ARHGAP21: variants seen among roughly 807,000 people sequenced by gnomAD.
The protein encoded by ARHGAP21 is rho GTPase-activating protein 21.
ARHGAP21 carries 38 observed loss-of-function variants against 164.6 expected under a neutral mutation model. The ratio of observed to expected loss-of-function variants is 0.23; its 90% CI spans 0.18 to 0.30. ARHGAP21 has a LOEUF of 0.30. ARHGAP21 is among the 10% of genes least tolerant of loss of function. The pLI is 1.00. For synonymous variants in ARHGAP21, 766 were observed against 857.9 expected, an observed-to-expected ratio of 0.89 and a Z score of 1.87; for missense variants, 1,822 against 2,370.7, an observed-to-expected ratio of 0.77 and a Z score of 4.81.
chr10:24,656,415 A>C (rs1838941295), intron 4 of ARHGAP21, among the ~76,000 whole-genome samples: 1 of 87,256 alleles, frequency 1.1e-5, no homozygotes, highest in African/African-American at 5.1e-5. Flanking sequence ...CCGCCCGGCC[A>C]GCCGCCCCGT....
At chr10:24,587,407 C>A (rs2076150961) in intron 25 of ARHGAP21, among the ~76,000 whole-genome samples, 3 of 152,116 alleles carry the variant, frequency 2.0e-5, no homozygotes, top group Admixed American at 2.0e-4. Context: ...CAGTATATTT[C>A]TCTATTGCCT....
chr10:24,718,926 G>T (rs571481680), intron 2 of ARHGAP21, among the ~76,000 whole-genome samples: 2 of 152,222 alleles, frequency 1.3e-5, no homozygotes, highest in East Asian at 3.9e-4. Flanking sequence ...TAAGAAAGCT[G>T]AGGGAAAGTT....
At chr10:24,712,548 G>A (rs1217500889) in intron 2 of ARHGAP21, among the ~76,000 whole-genome samples, 1 of 152,008 alleles carries the variant, frequency 6.6e-6, no homozygotes, top group Admixed American at 6.6e-5. Flanking sequence ...CCACATAAAC[G>A]GTTGTTATAC....
At chr10:24,588,513 G>T (rs995249617) in intron 25 of ARHGAP21, among the ~76,000 whole-genome samples, 5 of 151,850 alleles carry the variant, frequency 3.3e-5, no homozygotes, top group African/African-American at 1.2e-4. Flanking sequence ...ATTTTTGTAA[G>T]AATTATAATT....
intron 14 of ARHGAP21, among the ~76,000 whole-genome samples, chr10:24,600,335 C>T (rs929319682): frequency 1.4e-4 from 22 of 152,032 alleles, no homozygotes; most frequent in African/African-American, 5.3e-4. Flanking sequence ...ACAATCCTGT[C>T]TTTGAAAGAT....
intron 4 of ARHGAP21, among the ~76,000 whole-genome samples, chr10:24,659,120 C>T (rs1032162988): frequency 3.9e-5 from 6 of 152,134 alleles, no homozygotes; most frequent in Admixed American, 6.5e-5. Flanking sequence ...CTGTGGAAAA[C>T]GGTTTGGCAG....
At chr10:24,631,195 C>G (rs559540334) in intron 6 of ARHGAP21, among the ~76,000 whole-genome samples, 2 of 152,180 alleles carry the variant, frequency 1.3e-5, no homozygotes, top group South Asian at 4.1e-4. Context: ...GAAAACTCGT[C>G]TCCACTAAAA....
chr10:24,630,228 T>A (rs1255535521), intron 6 of ARHGAP21, among the ~76,000 whole-genome samples, 178 bp from the exon 7 acceptor site: 1 of 152,204 alleles, frequency 6.6e-6, no homozygotes, highest in Non-Finnish European at 1.5e-5. Context: ...TTTGTATACG[T>A]AAGTTAACTA....
At chr10:24,595,695 T>TCTTTCACGGGAGTTAACTCA in intron 19 of ARHGAP21, 22 bp downstream of exon 19, 1 of 1,593,460 alleles carries the variant, frequency 6.3e-7, no homozygotes, top group Non-Finnish European at 8.6e-7. Flanking sequence ...TCATCTGGTA[T>TCTTTCACGGGAGTTAACTCA]CTTTCACGGG....
chr10:24,669,340 A>G (rs150558172), intron 3 of ARHGAP21, among the ~76,000 whole-genome samples: 1 of 152,324 alleles, frequency 6.6e-6, no homozygotes, highest in African/African-American at 2.4e-5. Context: ...GGATTCATAG[A>G]TATTTAGAAT....
At chr10:24,617,920 G>A (rs1238397865) in intron 9 of ARHGAP21, among the ~76,000 whole-genome samples, 3 of 152,108 alleles carry the variant, frequency 2.0e-5, no homozygotes, top group African/African-American at 7.2e-5. Context: ...AAAAAGAGAA[G>A]GAAAAAAGCC....
chr10:24,660,270 G>C (rs2131662365), intron 4 of ARHGAP21, among the ~76,000 whole-genome samples: 1 of 149,612 alleles, frequency 6.7e-6, no homozygotes, highest in South Asian at 2.2e-4. Flanking sequence ...TGTAGTCCCA[G>C]CTACTTAGGA....
At chr10:24,614,054 T>C (rs535191160) in intron 9 of ARHGAP21, among the ~76,000 whole-genome samples, 3 of 152,176 alleles carry the variant, frequency 2.0e-5, no homozygotes, top group Non-Finnish European at 4.4e-5. Context: ...AAATTCAACA[T>C]TTACTTAGAA....
intron 4 of ARHGAP21, among the ~76,000 whole-genome samples, chr10:24,648,268 C>T (rs540561087): frequency 6.6e-6 from 1 of 152,218 alleles, no homozygotes; most frequent in Non-Finnish European, 1.5e-5. Context: ...TACCACATAG[C>T]ATGAACAATC....
chr10:24,626,819 C>T (rs547495688), intron 7 of ARHGAP21, among the ~76,000 whole-genome samples: 59 of 152,180 alleles, frequency 3.9e-4, no homozygotes, highest in Non-Finnish European at 5.4e-4. Context: ...AATATTACAA[C>T]AAAATACTGT....
intron 9 of ARHGAP21, among the ~76,000 whole-genome samples, chr10:24,618,775 A>G (rs1156710650): frequency 1.3e-5 from 2 of 152,078 alleles, no homozygotes; most frequent in African/African-American, 2.4e-5. Context: ...AGATCACGGG[A>G]GGATTTTGCA....
chr10:24,590,734 A>T, intron 24 of ARHGAP21: 3 of 985,288 alleles, frequency 3.0e-6, no homozygotes, highest in Non-Finnish European at 3.6e-6. Context: ...CAAATAATAC[A>T]CTGTATTTAT....
intron 9 of ARHGAP21, among the ~76,000 whole-genome samples, chr10:24,616,573 C>T (rs1833968699): frequency 6.6e-6 from 1 of 152,202 alleles, no homozygotes; most frequent in Non-Finnish European, 1.5e-5. Context: ...CAACTGAGCA[C>T]ACACGCAGCC....
rs1360204464 is a variant in ARHGAP21, at chr10:24,585,247, A to T, written c.5042T>A (p.Leu1681Ter). 1 of 1,606,020 alleles carries T rather than the reference A, an allele frequency of 6.2e-7. No homozygotes were observed. The highest frequency in any genetic ancestry group is 8.5e-7 in the Non-Finnish European group (1 of 1,178,372). Residue 1681 changes from leucine to a stop codon, truncating the protein, a stop_gained, in exon 26 of 26, where the codon TTA becomes TAA. Coordinates refer to ENST00000396432, the MANE Select transcript of ARHGAP21 (RefSeq NM_020824.4). LOFTEE classifies it low-confidence loss of function (END_TRUNC). ...TCTCCGGCTATCTAAACTTGATGTTAAACTTCCCTCGGTGCAACTTAATTC... is the reference window on the plus strand; with the variant it reads ...TCTCCGGCTATCTAAACTTGATGTTTAACTTCCCTCGGTGCAACTTAATTC... The part of the protein sequence containing the change: ...GSELSCTEGS[L>*]TSSLDSRRQL...
Sources: gnomAD v4.1 joint callset for allele counts (sites outside exome capture counted in the v4.1 genomes callset) on GRCh38, gnomAD v4.1.1 for gene constraint, MANE v1.5 for transcripts, NCBI Gene and HGNC (gene_info 2026-07-23, HGNC 2026-07-21) for gene names.